Variants in NRXN3 observed in about 807,000 individuals in gnomAD.
NRXN3 encodes the protein neurexin 3.
NRXN3 carries 32 observed loss-of-function variants against 137.6 expected under a neutral mutation model. That is an observed-to-expected ratio of 0.23 (90% CI 0.18 to 0.31). NRXN3 has a LOEUF of 0.31. Ranked by LOEUF, NRXN3 falls within the 10% of genes least tolerant of loss-of-function variation. NRXN3 has a pLI of 1.00. For missense variants in NRXN3, 1,574 were observed against 2,062.5 expected (o/e 0.76, Z 4.59); for synonymous variants, 798 against 784.5 (o/e 1.02, Z -0.29).
chr14:79,429,717 T>C (rs1340580901), intron 15 of NRXN3, among the ~76,000 whole-genome samples: 1 of 152,180 alleles, frequency 6.6e-6, no homozygotes, highest in East Asian at 1.9e-4. Flanking sequence ...AGTCATTGAC[T>C]TACCCAGATC....
chr14:78,414,081 T>C (rs1013012797), intron 4 of NRXN3, among the ~76,000 whole-genome samples: 1 of 152,172 alleles, frequency 6.6e-6, no homozygotes, highest in African/African-American at 2.4e-5. Context: ...TAGTGAGGCC[T>C]CCCCAGCCAT....
Position 79,444,513 on chromosome 14 carries a change from G to A in NRXN3, c.3263-22708G>A, listed in dbSNP as rs17109224. On this transcript the variant is annotated intron_variant, in intron 15 of 20. Coordinates refer to ENST00000335750, the MANE Select transcript of NRXN3 (RefSeq NM_001330195.2). Reference sequence around the variant, plus strand: ...AAGGAAGCCACTACCGTCCTTTCCAGTGCATCAGATGAATCAAAATGAATC... The same window carrying A: ...AAGGAAGCCACTACCGTCCTTTCCAATGCATCAGATGAATCAAAATGAATC... 8.8e-3 allele frequency among the ~76,000 whole-genome samples: 1,335 copies of A among 152,326 alleles called. 26 individuals are homozygous for A. In the East Asian group the frequency reaches 0.093, roughly 11 times the overall value.
intron 15 of NRXN3, among the ~76,000 whole-genome samples, chr14:79,438,513 TCTGC>T (rs1254611571): frequency 6.6e-6 from 1 of 152,158 alleles, no homozygotes; most frequent in East Asian, 1.9e-4. Flanking sequence ...CTGATGTTTG[TCTGC>T]CTATGAATAG....
intron 10 of NRXN3, among the ~76,000 whole-genome samples, chr14:78,880,950 C>A (rs1025988870): frequency 2.6e-5 from 4 of 152,010 alleles, no homozygotes; most frequent in African/African-American, 9.7e-5. Context: ...TGGGAGGGAC[C>A]CAGTGAGAAG....
chr14:79,686,617 GAAGACACC>G (rs1202683441), intron 17 of NRXN3, among the ~76,000 whole-genome samples: 1 of 152,000 alleles, frequency 6.6e-6, no homozygotes, highest in African/African-American at 2.4e-5. Context: ...AAAAACAGAT[GAAGACACC>G]AAGAGTCATC....
chr14:79,078,613 G>A (rs1453775375), intron 15 of NRXN3, among the ~76,000 whole-genome samples: 2 of 152,138 alleles, frequency 1.3e-5, no homozygotes, highest in African/African-American at 2.4e-5. Context: ...TCAATTTATT[G>A]ACTATAGTAA....
At position 78,324,895 on chromosome 14, in the gene NRXN3, A is replaced by T. The variant is rs74064033; in HGVS notation, c.757+27035A>T. ...GTGATAGGGTCAGGTGAGAAGACCC[A>T]ATTTGGCCATCATCACTTAATGATC... On this transcript the variant is annotated intron_variant, in intron 4 of 20. Transcript: ENST00000335750. Among the ~76,000 whole-genome samples the T allele has an allele frequency of 9.4e-4, 143 of 151,878 alleles. 5 individuals carry two copies. Among genetic ancestry groups the T allele is most frequent in the African/African-American group, 3.4e-3 (140 of 41,294 alleles).
intron 8 of NRXN3, among the ~76,000 whole-genome samples, chr14:78,739,532 C>A (rs919713882): frequency 6.6e-6 from 1 of 152,136 alleles, no homozygotes; most frequent in Non-Finnish European, 1.5e-5. Flanking sequence ...AGTAAAATGG[C>A]GCGATCTTGG....
chr14:79,624,642 A>G (rs1302634320), intron 16 of NRXN3, among the ~76,000 whole-genome samples: 4 of 150,292 alleles, frequency 2.7e-5, no homozygotes, highest in African/African-American at 2.5e-5. Context: ...ACATAATTGT[A>G]ACTTTGTACC....
intron 15 of NRXN3, among the ~76,000 whole-genome samples, chr14:79,322,893 G>C (rs1366036205): frequency 6.6e-6 from 1 of 152,180 alleles, no homozygotes; most frequent in East Asian, 1.9e-4. Flanking sequence ...GGCATTCTGA[G>C]TAAGAAAACA....
chr14:79,567,410 C>T (rs986015326), intron 16 of NRXN3, among the ~76,000 whole-genome samples: 1 of 151,946 alleles, frequency 6.6e-6, no homozygotes, highest in Non-Finnish European at 1.5e-5. Context: ...GGGGAAGGGG[C>T]TCCTAATTAC....
intron 15 of NRXN3, among the ~76,000 whole-genome samples, chr14:79,210,746 T>C (rs2067526666): frequency 6.6e-6 from 1 of 152,308 alleles, no homozygotes; most frequent in Non-Finnish European, 1.5e-5. Context: ...TCAAAGTTAC[T>C]TTGTCACTTT....
In NRXN3 at chr14:79,742,629, G is replaced by A. The variant is rs182031220; in HGVS notation, c.4014+44692G>A. Among the ~76,000 whole-genome samples, 207 of 152,168 alleles carry A rather than the reference G, an allele frequency of 1.4e-3. 1 individual carries two copies. The highest frequency in any genetic ancestry group is 4.2e-3 in the African/African-American group (175 of 41,510). On this transcript the variant is annotated intron_variant, in intron 19 of 20. Coordinates refer to ENST00000335750, the MANE Select transcript of NRXN3 (RefSeq NM_001330195.2). ...TGGCTTATTGTTGTGATCTAATTAT[G>A]TTCTGGTTTTTGAAAAAAGGACTAT...
intron 11 of NRXN3, among the ~76,000 whole-genome samples, chr14:78,964,499 TTC>T (rs2099413814): frequency 1.3e-5 from 2 of 152,342 alleles, no homozygotes; most frequent in South Asian, 4.1e-4. Flanking sequence ...CATACACAGC[TTC>T]TCTTTGCAGA....
At chr14:79,412,600 G>A (rs1056071892) in intron 15 of NRXN3, among the ~76,000 whole-genome samples, 18 of 145,500 alleles carry the variant, frequency 1.2e-4, no homozygotes, top group African/African-American at 4.2e-4. Context: ...CCAACATGAT[G>A]AAACCCCATC....
intron 15 of NRXN3, among the ~76,000 whole-genome samples, chr14:79,343,082 G>A (rs1403055191): frequency 1.3e-5 from 2 of 152,098 alleles, no homozygotes; most frequent in Non-Finnish European, 2.9e-5. Context: ...CAGATTACCA[G>A]TTTGGGTGGT....
chr14:79,760,604 GA>G (rs1337793604), intron 19 of NRXN3: 2 of 151,316 alleles, frequency 1.3e-5, no homozygotes, highest in Non-Finnish European at 2.9e-5. Context: ...GGGGAATCTT[GA>G]AACAAAATAG....
At chr14:79,558,108 C>A (rs1490388162) in intron 16 of NRXN3, among the ~76,000 whole-genome samples, 1 of 152,126 alleles carries the variant, frequency 6.6e-6, no homozygotes, top group African/African-American at 2.4e-5. Flanking sequence ...TATCTTCAGG[C>A]TCTACTTCTA....
At chr14:79,526,736 G>T (rs2097124032) in intron 16 of NRXN3, among the ~76,000 whole-genome samples, 1 of 152,258 alleles carries the variant, frequency 6.6e-6, no homozygotes, top group Non-Finnish European at 1.5e-5. Flanking sequence ...AAGGAAATAA[G>T]TGTATGTAAC....
Sources: gnomAD v4.1 joint callset for allele counts (sites outside exome capture counted in the v4.1 genomes callset) on GRCh38, gnomAD v4.1.1 for gene constraint, MANE v1.5 for transcripts, NCBI Gene and HGNC (gene_info 2026-07-23, HGNC 2026-07-21) for gene names.